KCNH1: variants seen among roughly 807,000 people sequenced by gnomAD.
KCNH1 encodes the protein voltage-gated delayed rectifier potassium channel KCNH1.
A neutral mutation model predicts 69.2 loss-of-function variants in KCNH1; 27 were observed. The observed-to-expected ratio is 0.39, with a 90% CI of 0.29 to 0.54. The LOEUF is 0.54. Among genes scored for constraint, KCNH1 ranks in the 20% least tolerant of loss-of-function variants. KCNH1 has a pLI of 0.68. For missense variants in KCNH1, 798 were observed against 1,261.6 expected (o/e 0.63, Z 5.57); for synonymous variants, 456 against 487.7 (o/e 0.93, Z 0.86).
At chr1:211,028,132 G>A (rs1340608060) in intron 5 of KCNH1, among the ~76,000 whole-genome samples, 2 of 152,072 alleles carry the variant, frequency 1.3e-5, no homozygotes, top group East Asian at 1.9e-4. Flanking sequence ...TCACCAGAGT[G>A]TATTCTCAGC....
chr1:211,055,237 A>G (rs1690283824), intron 5 of KCNH1, among the ~76,000 whole-genome samples: 1 of 152,216 alleles, frequency 6.6e-6, no homozygotes, highest in African/African-American at 2.4e-5. Context: ...GCATGGAGAG[A>G]GAATCCAGGG....
chr1:210,900,838 C>T (rs141103780), intron 7 of KCNH1, among the ~76,000 whole-genome samples: 1 of 152,118 alleles, frequency 6.6e-6, no homozygotes, highest in African/African-American at 2.4e-5. Context: ...TTCTTCCCAT[C>T]CTCCTTCTCC....
At chr1:210,771,454 T>C (rs1422840226) in intron 10 of KCNH1, among the ~76,000 whole-genome samples, 2 of 152,130 alleles carry the variant, frequency 1.3e-5, no homozygotes, top group Non-Finnish European at 2.9e-5. Context: ...GAGCGACTGA[T>C]CCCTCCTTTG....
intron 9 of KCNH1, among the ~76,000 whole-genome samples, chr1:210,788,138 T>C (rs896852279): frequency 4.6e-5 from 7 of 152,242 alleles, no homozygotes; most frequent in Admixed American, 3.9e-4. Flanking sequence ...TTCCCCCTTC[T>C]GATTATTTAT....
At chr1:211,060,665 A>T (rs1690419689) in intron 5 of KCNH1, among the ~76,000 whole-genome samples, 1 of 152,118 alleles carries the variant, frequency 6.6e-6, no homozygotes, top group Admixed American at 6.5e-5. Flanking sequence ...AAGGATCATT[A>T]GAAGCTACTA....
intron 5 of KCNH1, among the ~76,000 whole-genome samples, chr1:211,026,797 C>T (rs768839563): frequency 2.6e-5 from 4 of 152,144 alleles, no homozygotes; most frequent in Non-Finnish European, 5.9e-5. Flanking sequence ...TCACCTCCAT[C>T]CCCCACAACC....
chr1:210,777,898 T>C (rs764878587), intron 9 of KCNH1, among the ~76,000 whole-genome samples: 1 of 152,192 alleles, frequency 6.6e-6, no homozygotes, highest in Non-Finnish European at 1.5e-5. Context: ...GAAGAAGCGA[T>C]GTTCTGGGAT....
intron 7 of KCNH1, among the ~76,000 whole-genome samples, chr1:210,904,400 G>A (rs369096349): frequency 1.3e-5 from 2 of 151,834 alleles, no homozygotes; most frequent in African/African-American, 4.8e-5. Flanking sequence ...CATCTCTGGT[G>A]GACTAGCAGT....
intron 7 of KCNH1, among the ~76,000 whole-genome samples, chr1:210,825,161 G>A (rs1430283498): frequency 6.6e-6 from 1 of 152,086 alleles, no homozygotes; most frequent in Non-Finnish European, 1.5e-5. Flanking sequence ...ACCCAAATCT[G>A]AATAACCATA....
At chr1:210,737,714 A>G (rs1172773327) in intron 10 of KCNH1, among the ~76,000 whole-genome samples, 1 of 152,194 alleles carries the variant, frequency 6.6e-6, no homozygotes, top group Non-Finnish European at 1.5e-5. Flanking sequence ...CTTCCAGTTC[A>G]TCAGGCCAAA....
chr1:210,785,770 A>C (rs1273412472), intron 9 of KCNH1, among the ~76,000 whole-genome samples: 1 of 152,126 alleles, frequency 6.6e-6, no homozygotes, highest in African/African-American at 2.4e-5. Context: ...GAACAAACTC[A>C]TGTGTAGACC....
At chr1:210,765,606 G>A (rs1452949722) in intron 10 of KCNH1, among the ~76,000 whole-genome samples, 1 of 152,178 alleles carries the variant, frequency 6.6e-6, no homozygotes, top group Non-Finnish European at 1.5e-5. Flanking sequence ...TTTTATGCTG[G>A]CACCAGGGGT....
chr1:210,849,124 G>A (rs1685626298), intron 7 of KCNH1, among the ~76,000 whole-genome samples: 2 of 152,262 alleles, frequency 1.3e-5, no homozygotes, highest in South Asian at 2.1e-4. Context: ...ACATACATGT[G>A]TATGTGTATT....
intron 1 of KCNH1, among the ~76,000 whole-genome samples, chr1:211,107,836 G>T (rs1422952740): frequency 1.3e-5 from 2 of 152,130 alleles, no homozygotes; most frequent in Admixed American, 1.3e-4. Context: ...ACTAGGATTT[G>T]CCCAACCTAG....
chr1:210,736,548 C>A (rs992737455), intron 10 of KCNH1, among the ~76,000 whole-genome samples: 1 of 142,524 alleles, frequency 7.0e-6, no homozygotes, highest in Non-Finnish European at 1.6e-5. Context: ...CATCCCCCCT[C>A]CAAAAAAAAA....
chr1:210,861,914 A>G lies in KCNH1; in HGVS notation c.1462+57726T>C. 2.6e-6 allele frequency: 2 copies of G among 770,030 alleles called. 1 individual carries two copies. Among genetic ancestry groups the G allele is most frequent in the Non-Finnish European group, 4.8e-6 (2 of 415,206 alleles). 47.7% of individuals were successfully genotyped at this position (770,030 alleles called of 1,614,324 possible). A position where few individuals can be genotyped will look rare whatever the true frequency, so the allele number is the denominator to read the frequency against. Reference sequence around the variant, plus strand: ...GTTTTGTCCACAATGGCAGTCCAGCAGCTTGGATAATCACGTTTGGTGATG... The same window carrying G: ...GTTTTGTCCACAATGGCAGTCCAGCGGCTTGGATAATCACGTTTGGTGATG... On this transcript the variant is annotated intron_variant, in intron 7 of 10. Coordinates refer to ENST00000271751, the MANE Select transcript of KCNH1 (RefSeq NM_172362.3).
intron 10 of KCNH1, among the ~76,000 whole-genome samples, chr1:210,748,985 A>G (rs1350795505): frequency 6.6e-6 from 1 of 152,044 alleles, no homozygotes; most frequent in Non-Finnish European, 1.5e-5. Flanking sequence ...TGCCCTGTCC[A>G]CTTGGCTCTG....
intron 1 of KCNH1, among the ~76,000 whole-genome samples, chr1:211,119,451 T>C (rs574297110): frequency 6.4e-4 from 97 of 152,198 alleles, no homozygotes; most frequent in African/African-American, 2.3e-3. Flanking sequence ...TTGAGATAAA[T>C]GATGAGAATA....
intron 5 of KCNH1, among the ~76,000 whole-genome samples, chr1:211,045,541 A>C (rs916808441): frequency 5.9e-5 from 9 of 152,162 alleles, no homozygotes; most frequent in African/African-American, 1.9e-4. Context: ...GTATGATTGT[A>C]ATGGAAAAAG....
Sources: allele counts gnomAD v4.1 joint callset (sites outside exome capture counted in the v4.1 genomes callset), GRCh38; gene constraint gnomAD v4.1.1; transcripts MANE v1.5; gene names NCBI Gene and HGNC (gene_info 2026-07-23, HGNC 2026-07-21).